SNX13: variants seen among roughly 807,000 people sequenced by gnomAD.
The protein encoded by SNX13 is sorting nexin-13.
SNX13 carries 45 observed loss-of-function variants against 133.6 expected under a neutral mutation model. The ratio of observed to expected loss-of-function variants is 0.34; its 90% CI spans 0.27 to 0.43. The LOEUF (loss-of-function observed/expected upper bound fraction) is 0.43, where lower values mean the gene tolerates loss of function less well. SNX13 is among the 20% of genes least tolerant of loss of function. The pLI, the probability that SNX13 is intolerant of heterozygous loss-of-function variation, is 1.00. For synonymous variants in SNX13, 414 were observed against 373.9 expected (o/e 1.11, Z -1.24); for missense variants, 1,032 against 1,145.1 (o/e 0.90, Z 1.43).
In SNX13 at chr7:17,865,315, C is replaced by T. The variant is rs77628351; in HGVS notation, c.837+3092G>A. On this transcript the variant is annotated intron_variant, in intron 9 of 25. Coordinates refer to ENST00000428135, the MANE Select transcript of SNX13 (RefSeq NM_015132.5). The stretch of plus-strand genomic sequence containing the variant: ...TTTAGTAAAGCTTCAAGATACAAAA[C>T]GAACATACAAAAATCAATAGTGTTT... Among the ~76,000 whole-genome samples, 61 of 152,016 alleles carry T rather than the reference C, an allele frequency of 4.0e-4. No individual in the cohort carries two copies. The East Asian group carries it at 6.6e-3, about 16-fold the overall frequency.
intron 15 of SNX13, chr7:17,831,423 A>C (rs187582308): frequency 1.1e-6 from 1 of 887,778 alleles, no homozygotes; most frequent in Non-Finnish European, 1.3e-6. Context: ...AGAAAGTAAT[A>C]ATGAATAAAG....
rs138265847 is a variant in SNX13 at position 17,875,877 on chromosome 7, A to C, written c.441-87T>G. ...ATTTTAATGACTACTGACAAACAACATGATTATCTGAGACTGTAAATTTAA... is the reference window on the plus strand; with the variant it reads ...ATTTTAATGACTACTGACAAACAACCTGATTATCTGAGACTGTAAATTTAA... On this transcript the variant is annotated intron_variant, in intron 5 of 25. Transcript: ENST00000428135. The C allele has an allele frequency of 1.7e-4, 180 of 1,053,332 alleles. No individual in the cohort carries two copies. The African/African-American group carries it at 2.7e-3, about 16-fold the overall frequency. 65.2% of individuals were successfully genotyped at this position (1,053,332 alleles called of 1,614,324 possible).
At chr7:17,911,619 C>T (rs1314788730) in intron 1 of SNX13, among the ~76,000 whole-genome samples, 1 of 132,392 alleles carries the variant, frequency 7.6e-6, no homozygotes, top group Non-Finnish European at 1.5e-5. Context: ...GCCACGGCAA[C>T]AGAGCGAGAC....
chr7:17,860,103 C>T (rs1322496909), intron 9 of SNX13, among the ~76,000 whole-genome samples: 1 of 152,064 alleles, frequency 6.6e-6, no homozygotes, highest in Non-Finnish European at 1.5e-5. Flanking sequence ...TACATTCCAT[C>T]GATAGTGCAC....
chr7:17,918,209 T>C lies in SNX13; in HGVS notation c.13-20763A>G, dbSNP rs62446893. On this transcript the variant is annotated intron_variant, in intron 1 of 25. Coordinates refer to ENST00000428135, the MANE Select transcript of SNX13 (RefSeq NM_015132.5). ...GAACAAAACCTAGGAAATACGCTTC[T>C]GAACATTGGCTTAGCCAAAGAATTT... Among the ~76,000 whole-genome samples the C allele has an allele frequency of 8.5e-4, 129 of 152,252 alleles. 1 individual carries two copies. The highest frequency in any genetic ancestry group is 1.4e-3 in the Non-Finnish European group (96 of 67,996).
chr7:17,893,856 C>T (rs1213515840), intron 2 of SNX13, among the ~76,000 whole-genome samples: 1 of 151,136 alleles, frequency 6.6e-6, no homozygotes, highest in Non-Finnish European at 1.5e-5. Flanking sequence ...CCTGTAGTCC[C>T]AGCTACTTGG....
intron 15 of SNX13, among the ~76,000 whole-genome samples, chr7:17,833,554 G>A (rs886706784): frequency 6.6e-6 from 1 of 151,540 alleles, no homozygotes; most frequent in African/African-American, 2.4e-5. Flanking sequence ...GGAAAAAACT[G>A]AAGGTTGGGA....
chr7:17,821,578 A>T lies in SNX13; in HGVS notation c.1776T>A (p.Ser592Arg). 6.2e-7 allele frequency: 1 copy of T among 1,613,596 alleles called. No individual in the cohort carries two copies. Among genetic ancestry groups the T allele is most frequent in the Non-Finnish European group, 8.5e-7 (1 of 1,179,694 alleles). The change falls in exon 18 of 26, where the codon AGT becomes AGA. Residue 592 changes from serine to arginine, a missense_variant. Coordinates refer to ENST00000428135, the MANE Select transcript of SNX13 (RefSeq NM_015132.5). ...GACGATAGGTTTTCCACATCTCCTCACTGTTTAGGTTGCGCCGGTGTACAG... is the reference window on the plus strand; with the variant it reads ...GACGATAGGTTTTCCACATCTCCTCTCTGTTTAGGTTGCGCCGGTGTACAG... ...AITVHRRNLN[S>R]EEMWKTYRRY...
rs1382144251 is a variant in SNX13, at chr7:17,834,097, T to C, written c.1552A>G (p.Met518Val). 1.9e-6 allele frequency: 3 copies of C among 1,589,508 alleles called. No homozygotes were observed. Among genetic ancestry groups the C allele is most frequent in the Non-Finnish European group, 2.6e-6 (3 of 1,164,864 alleles). Residue 518 changes from methionine (M) to valine (V), a missense_variant, in exon 15 of 26, where the codon ATG becomes GTG. By Grantham distance (21) the Met-to-Val change is conservative. Coordinates refer to ENST00000428135, the MANE Select transcript of SNX13 (RefSeq NM_015132.5). ...LYVRMLAELD[M>V]LKDPSFRGSD... The stretch of plus-strand genomic sequence containing the variant: ...CCTCTGAAACTAGGATCTTTTAACA[T>C]GTCAAGCTCAGCTAACATGCGCACA...
chr7:17,842,932 C>T (rs905091812), intron 12 of SNX13, among the ~76,000 whole-genome samples: 2 of 151,592 alleles, frequency 1.3e-5, no homozygotes, highest in African/African-American at 2.4e-5. Context: ...AAAATGGCTA[C>T]ATAATATACA....
In SNX13 at chr7:17,796,572, G is replaced by C. The variant is rs376346987; in HGVS notation, c.2626+255C>G. 1.0e-3 allele frequency: 371 copies of C among 366,158 alleles called. 1 individual carries two copies. The highest frequency in any genetic ancestry group is 6.9e-3 in the African/African-American group (337 of 49,138). The allele number at this position is 366,158 out of a possible 1,614,324, so 22.7% of individuals were successfully genotyped here. A position where few individuals can be genotyped will look rare whatever the true frequency, so the allele number is the denominator to read the frequency against. On this transcript the variant is annotated intron_variant, in intron 25 of 25. Coordinates refer to ENST00000428135, the MANE Select transcript of SNX13 (RefSeq NM_015132.5). Reference sequence around the variant, plus strand: ...TGTTGCTTAGTAGCTATAAACCTTGGATAGGTTATTTAACCTCTCTGAGCT... The same window carrying C: ...TGTTGCTTAGTAGCTATAAACCTTGCATAGGTTATTTAACCTCTCTGAGCT...
chr7:17,817,006 A>C (rs1249902139), intron 18 of SNX13, among the ~76,000 whole-genome samples: 1 of 152,242 alleles, frequency 6.6e-6, no homozygotes, highest in Non-Finnish European at 1.5e-5. Flanking sequence ...GATAGTAGTT[A>C]TATAACCCCG....
intron 18 of SNX13, among the ~76,000 whole-genome samples, chr7:17,817,384 C>T (rs555871713): frequency 4.9e-4 from 75 of 152,206 alleles, no homozygotes; most frequent in African/African-American, 1.7e-3. Flanking sequence ...TATCCTAAAG[C>T]GAAACAAACT....
chr7:17,830,313 A>G (rs1410932808), intron 15 of SNX13: 1 of 984,222 alleles, frequency 1.0e-6, no homozygotes, highest in Non-Finnish European at 1.2e-6. Flanking sequence ...TCAGGAGAGT[A>G]ATTATTAAAT....
At chr7:17,916,403 C>T (rs943223602) in intron 1 of SNX13, among the ~76,000 whole-genome samples, 5 of 152,016 alleles carry the variant, frequency 3.3e-5, no homozygotes, top group African/African-American at 9.7e-5. Context: ...ATAAGACTGA[C>T]GGATCATTAG....
intron 11 of SNX13, among the ~76,000 whole-genome samples, chr7:17,846,222 G>C (rs537901587): frequency 6.6e-6 from 1 of 150,632 alleles, no homozygotes; most frequent in Non-Finnish European, 1.5e-5. Context: ...CAAAGTCACA[G>C]AGCAAGGAAA....
rs180834890 is a variant in SNX13 at position 17,825,364 on chromosome 7, A to G, written c.1705+658T>C. Reference sequence around the variant, plus strand: ...AGCATGAAACTGAATTAAGGTATATACCTCAGTATGTTTATACTTCAGTAT... The same window carrying G: ...AGCATGAAACTGAATTAAGGTATATGCCTCAGTATGTTTATACTTCAGTAT... On this transcript the variant is annotated intron_variant, in intron 17 of 25. Coordinates refer to ENST00000428135, the MANE Select transcript of SNX13 (RefSeq NM_015132.5). Among the ~76,000 whole-genome samples, 44 of 152,182 alleles carry G rather than the reference A, an allele frequency of 2.9e-4. No individual in the cohort carries two copies. The East Asian group carries it at 7.7e-3, about 27-fold the overall frequency.
At chr7:17,922,496 G>A (rs1314729961) in intron 1 of SNX13, among the ~76,000 whole-genome samples, 1 of 152,218 alleles carries the variant, frequency 6.6e-6, no homozygotes, top group Non-Finnish European at 1.5e-5. Flanking sequence ...GTAAGTATGT[G>A]TTAACTAAGT....
chr7:17,875,929 G>C, intron 5 of SNX13, 139 bp from the exon 6 acceptor site: 1 of 622,878 alleles, frequency 1.6e-6, no homozygotes, highest in East Asian at 3.0e-5. Flanking sequence ...ATTATTACCT[G>C]TTAGTACTGT....
Sources: allele counts gnomAD v4.1 joint callset (sites outside exome capture counted in the v4.1 genomes callset), GRCh38; gene constraint gnomAD v4.1.1; transcripts MANE v1.5; gene names NCBI Gene and HGNC (gene_info 2026-07-23, HGNC 2026-07-21).